The following GALNTL6 variants were observed in gnomAD, a reference collection of about 807,000 sequenced individuals.
The protein encoded by GALNTL6 is polypeptide N-acetylgalactosaminyltransferase-like 6.
GALNTL6 carries 46 observed loss-of-function variants against 73.7 expected under a neutral mutation model. The ratio of observed to expected loss-of-function variants is 0.62; its 90% CI spans 0.49 to 0.80. The LOEUF is 0.80. Ranked by LOEUF, GALNTL6 falls within the 30% of genes least tolerant of loss-of-function variation. GALNTL6 has a pLI of 0.00. For synonymous variants in GALNTL6, 259 were observed against 263.7 expected (o/e 0.98, Z 0.17); for missense variants, 604 against 755.0 (o/e 0.80, Z 2.34).
chr4:172,617,460 T>A (rs1738784769), intron 5 of GALNTL6, among the ~76,000 whole-genome samples: 1 of 151,594 alleles, frequency 6.6e-6, no homozygotes, highest in African/African-American at 2.4e-5. Flanking sequence ...ATTTATTTAT[T>A]TATTTTATGT....
chr4:172,536,926 G>C (rs556923146), intron 5 of GALNTL6, among the ~76,000 whole-genome samples: 11 of 152,234 alleles, frequency 7.2e-5, no homozygotes, highest in Admixed American at 1.3e-4. Context: ...AGATCATTTG[G>C]AATTTTAAGA....
Position 171,882,043 on chromosome 4 carries a change from C to T in GALNTL6, c.138+67325C>T, listed in dbSNP as rs145020121. ...ATCTCCCCTAATTTCCCTTATTTCACTCTCTAGTTCTCTTGATACCATCTG... is the reference window on the plus strand; with the variant it reads ...ATCTCCCCTAATTTCCCTTATTTCATTCTCTAGTTCTCTTGATACCATCTG... On this transcript the variant is annotated intron_variant, in intron 2 of 12. Coordinates refer to ENST00000506823, the MANE Select transcript of GALNTL6 (RefSeq NM_001034845.3). 4.7e-3 allele frequency among the ~76,000 whole-genome samples: 713 copies of T among 152,282 alleles called. 3 individuals carry two copies. The highest frequency in any genetic ancestry group is 0.016 in the African/African-American group (672 of 41,564).
At chr4:172,758,799 A>G (rs1003322786) in intron 5 of GALNTL6, among the ~76,000 whole-genome samples, 82 of 152,290 alleles carry the variant, frequency 5.4e-4, no homozygotes, top group African/African-American at 1.8e-3. Context: ...CTACCCATCT[A>G]TTAGTCACGT....
At chr4:172,388,752 G>C (rs1264665883) in intron 5 of GALNTL6, among the ~76,000 whole-genome samples, 1 of 151,980 alleles carries the variant, frequency 6.6e-6, no homozygotes, top group Non-Finnish European at 1.5e-5. Flanking sequence ...AAAAAAATTT[G>C]AGGAAATAAC....
intron 2 of GALNTL6, among the ~76,000 whole-genome samples, chr4:172,193,191 T>C (rs900602433): frequency 6.6e-6 from 1 of 152,172 alleles, no homozygotes; most frequent in African/African-American, 2.4e-5. Context: ...ATTAAGTGAG[T>C]CCCTGATCCC....
At chr4:171,933,178 G>A (rs576327421) in intron 2 of GALNTL6, among the ~76,000 whole-genome samples, 2 of 152,154 alleles carry the variant, frequency 1.3e-5, no homozygotes, top group Admixed American at 6.5e-5. Flanking sequence ...CCGTTATAAC[G>A]TTTAGTTATA....
At chr4:172,143,437 A>AT (rs1228309336) in intron 2 of GALNTL6, among the ~76,000 whole-genome samples, 2 of 150,694 alleles carry the variant, frequency 1.3e-5, no homozygotes, top group Non-Finnish European at 3.0e-5. Context: ...TCCCTAGTAG[A>AT]TTTCCTTCCT....
At chr4:172,412,898 C>T (rs945170014) in intron 5 of GALNTL6, among the ~76,000 whole-genome samples, 1 of 152,148 alleles carries the variant, frequency 6.6e-6, no homozygotes, top group South Asian at 2.1e-4. Flanking sequence ...TTCTCCTGTC[C>T]TCTGCCTACT....
At chr4:172,455,265 A>G (rs544296715) in intron 5 of GALNTL6, among the ~76,000 whole-genome samples, 1 of 152,322 alleles carries the variant, frequency 6.6e-6, no homozygotes, top group Middle Eastern at 3.4e-3. Flanking sequence ...CTGGGTTTCA[A>G]GCACAAAACT....
chr4:173,007,635 C>T (rs1299396287), intron 10 of GALNTL6, among the ~76,000 whole-genome samples: 2 of 152,046 alleles, frequency 1.3e-5, no homozygotes, highest in South Asian at 2.1e-4. Context: ...GGTGAAACCC[C>T]ATCTCTATAA....
At chr4:172,711,126 C>T (rs1322288672) in intron 5 of GALNTL6, among the ~76,000 whole-genome samples, 2 of 152,000 alleles carry the variant, frequency 1.3e-5, no homozygotes, top group Admixed American at 1.3e-4. Flanking sequence ...GGGGTGTATG[C>T]GGTAGGAGGA....
intron 5 of GALNTL6, among the ~76,000 whole-genome samples, chr4:172,517,930 A>G (rs995253795): frequency 6.6e-6 from 1 of 152,120 alleles, no homozygotes; most frequent in Admixed American, 6.5e-5. Context: ...CTAAAAATAT[A>G]GCAAGTTCTG....
intron 5 of GALNTL6, among the ~76,000 whole-genome samples, chr4:172,764,895 A>T (rs1379643605): frequency 6.6e-6 from 1 of 152,222 alleles, no homozygotes; most frequent in African/African-American, 2.4e-5. Flanking sequence ...AAATAAGTTT[A>T]CTTGTGAAGA....
At chr4:172,931,915 A>AATACCAT (rs1748363058) in intron 9 of GALNTL6, among the ~76,000 whole-genome samples, 1 of 152,204 alleles carries the variant, frequency 6.6e-6, no homozygotes, top group Non-Finnish European at 1.5e-5. Context: ...ACGGACTCAC[A>AATACCAT]ATACCATCTC....
At position 171,983,048 on chromosome 4, in the gene GALNTL6, G is replaced by A. The variant is rs779792397; in HGVS notation, c.138+168330G>A. Among the ~76,000 whole-genome samples, 190 of 151,658 alleles carry A rather than the reference G, an allele frequency of 1.3e-3. 1 individual carries two copies. Among genetic ancestry groups the A allele is most frequent in the Non-Finnish European group, 3.8e-4 (26 of 67,926 alleles). Reference sequence around the variant, plus strand: ...CACTTTCTCTAAATATTGATGTACCGAAAAACCCTTTTGAAAAAAACTCAG... The same window carrying A: ...CACTTTCTCTAAATATTGATGTACCAAAAAACCCTTTTGAAAAAAACTCAG... On this transcript the variant is annotated intron_variant, in intron 2 of 12. Coordinates refer to ENST00000506823, the MANE Select transcript of GALNTL6 (RefSeq NM_001034845.3).
chr4:172,714,135 G>A (rs57183150), intron 5 of GALNTL6, among the ~76,000 whole-genome samples: 22,310 of 152,152 alleles, frequency 0.15, 1,904 homozygotes, highest in East Asian at 0.26. Context: ...TTTGTTTTGG[G>A]AAAGGGATAT....
chr4:172,247,724 G>A (rs1167812929), intron 3 of GALNTL6, among the ~76,000 whole-genome samples: 1 of 152,040 alleles, frequency 6.6e-6, no homozygotes, highest in Admixed American at 6.6e-5. Flanking sequence ...ACTCAAGCTA[G>A]GACCCTCCAC....
chr4:172,249,371 G>A (rs1406844154), intron 3 of GALNTL6, among the ~76,000 whole-genome samples: 4 of 152,276 alleles, frequency 2.6e-5, no homozygotes, highest in East Asian at 3.9e-4. Context: ...AGGAAGCAGA[G>A]CATTCAAGTT....
At chr4:171,982,576 G>A (rs1162630851) in intron 2 of GALNTL6, among the ~76,000 whole-genome samples, 1 of 152,140 alleles carries the variant, frequency 6.6e-6, no homozygotes, top group East Asian at 1.9e-4. Context: ...GGGATTACAA[G>A]CATGAGCCAC....
Sources: allele counts gnomAD v4.1 joint callset (sites outside exome capture counted in the v4.1 genomes callset), GRCh38; gene constraint gnomAD v4.1.1; transcripts MANE v1.5; gene names NCBI Gene and HGNC (gene_info 2026-07-23, HGNC 2026-07-21).